DDI2: variants seen among roughly 807,000 people sequenced by gnomAD.
DDI2 encodes protein DDI1 homolog 2.
A neutral mutation model predicts 48.1 loss-of-function variants in DDI2; 5 were observed. The ratio of observed to expected loss-of-function variants is 0.10; its 90% CI spans 0.05 to 0.22. The LOEUF (loss-of-function observed/expected upper bound fraction) is 0.22, where lower values mean the gene tolerates loss of function less well. Among genes scored for constraint, DDI2 ranks in the 10% least tolerant of loss-of-function variants. The pLI, the probability that DDI2 is intolerant of heterozygous loss-of-function variation, is 1.00. For synonymous variants in DDI2, 205 were observed against 183.6 expected (o/e 1.12, Z -0.94); for missense variants, 285 against 506.2 (o/e 0.56, Z 4.19).
intron 8 of DDI2, among the ~76,000 whole-genome samples, chr1:15,653,800 A>T (rs1640229961): frequency 6.6e-6 from 1 of 152,230 alleles, no homozygotes; most frequent in Admixed American, 6.5e-5. Flanking sequence ...CCTGACCAGC[A>T]TAATTGAACG....
intron 1 of DDI2, among the ~76,000 whole-genome samples, chr1:15,620,993 A>T (rs1237941179): frequency 1.3e-5 from 2 of 152,216 alleles, no homozygotes; most frequent in Non-Finnish European, 2.9e-5. Flanking sequence ...ATATAGTTGG[A>T]AAAGGTGTTA....
intron 1 of DDI2, among the ~76,000 whole-genome samples, chr1:15,624,242 C>T (rs1442871214): frequency 6.6e-6 from 1 of 152,110 alleles, no homozygotes; most frequent in Non-Finnish European, 1.5e-5. Flanking sequence ...CTTGACATAC[C>T]TCTTTTTTCT....
Position 15,652,403 on chromosome 1 carries a change from C to T in DDI2, c.1183+508C>T, listed in dbSNP as rs183303324. 1.9e-4 allele frequency among the ~76,000 whole-genome samples: 23 copies of T among 123,124 alleles called. 1 individual carries two copies. The East Asian group carries it at 4.7e-3, about 25-fold the overall frequency. The allele number at this position is 123,124 out of a possible 152,430, so 80.8% of individuals were successfully genotyped here. On this transcript the variant is annotated intron_variant, in intron 8 of 9. Transcript: ENST00000480945. Reference sequence around the variant, plus strand: ...TGAAAAAGTCTGTATTCTGGCCCGGCGTGGTGGCTCACGCCTGTTAATCCC... The same window carrying T: ...TGAAAAAGTCTGTATTCTGGCCCGGTGTGGTGGCTCACGCCTGTTAATCCC...
intron 5 of DDI2, among the ~76,000 whole-genome samples, chr1:15,641,485 A>G (rs1167598676): frequency 3.9e-5 from 6 of 151,940 alleles, no homozygotes; most frequent in Admixed American, 3.3e-4. Flanking sequence ...AAAAAAAAAA[A>G]GTGACATTTT....
At chr1:15,632,923 TTTTTTTTTAAA>T (rs1476797818) in intron 3 of DDI2, among the ~76,000 whole-genome samples, 1 of 129,704 alleles carries the variant, frequency 7.7e-6, no homozygotes, top group Non-Finnish European at 1.6e-5. Flanking sequence ...TTTTTTTTTT[TTTTTTTTTAAA>T]AAAAAAAAAA....
rs1410383674 is a variant in DDI2 at position 15,662,546 on chromosome 1, C to A, written c.*2756C>A. ...AGAACTGTGAGGGAAAAATAATGGC[C>A]TAAACACTGGAATTTGCTAGAGTTT... On this transcript the variant is annotated 3_prime_UTR_variant, in exon 10 of 10. Transcript: ENST00000480945. The A allele has an allele frequency of 6.6e-6, 1 of 152,300 alleles. No homozygotes were observed. Among genetic ancestry groups the A allele is most frequent in the South Asian group, 2.1e-4 (1 of 4,828 alleles). The allele number at this position is 152,300 out of a possible 1,614,324, so 9.4% of individuals were successfully genotyped here. A position where few individuals can be genotyped will look rare whatever the true frequency, so the allele number is the denominator to read the frequency against.
intron 8 of DDI2, chr1:15,656,367 G>T: frequency 7.4e-7 from 1 of 1,350,106 alleles, no homozygotes; most frequent in East Asian, 3.0e-5. Flanking sequence ...TCTATGTGTA[G>T]AAACAAAATT....
intron 4 of DDI2, chr1:15,634,178 C>A (rs1480173896): frequency 1.8e-5 from 3 of 165,950 alleles, no homozygotes; most frequent in African/African-American, 7.2e-5. Flanking sequence ...GATGCTTGGA[C>A]TCTTCTCCCA....
intron 9 of DDI2, among the ~76,000 whole-genome samples, chr1:15,658,259 C>T (rs1030061386): frequency 1.3e-5 from 2 of 152,028 alleles, no homozygotes; most frequent in African/African-American, 4.8e-5. Flanking sequence ...AAGCAATTCT[C>T]CCACCTCAGC....
In DDI2 at chr1:15,666,096, A is replaced by G. The variant is rs1393166454; in HGVS notation, c.*6306A>G. ...TAAAAATAGCTTTTTTTTCCCTAGA[A>G]TTGCTAATTACTCTTAACAACAAAT... On this transcript the variant is annotated 3_prime_UTR_variant, in exon 10 of 10. Coordinates refer to ENST00000480945, the MANE Select transcript of DDI2 (RefSeq NM_032341.5). 6.6e-6 allele frequency: 1 copy of G among 152,134 alleles called. No individual in the cohort carries two copies. Among genetic ancestry groups the G allele is most frequent in the Admixed American group, 6.6e-5 (1 of 15,262 alleles). The allele number at this position is 152,134 out of a possible 1,614,324, so 9.4% of individuals were successfully genotyped here.
chr1:15,635,445 G>A (rs1327069543), intron 4 of DDI2, among the ~76,000 whole-genome samples: 4 of 152,082 alleles, frequency 2.6e-5, no homozygotes, highest in Admixed American at 1.3e-4. Context: ...TTGCTCTGTC[G>A]CCCAGGCCTG....
chr1:15,650,763 T>C (rs1290280906), intron 7 of DDI2, among the ~76,000 whole-genome samples: 1 of 152,206 alleles, frequency 6.6e-6, no homozygotes, highest in Non-Finnish European at 1.5e-5. Context: ...ATTGAAAATA[T>C]AGCTAATCAA....
At chr1:15,622,707 A>G (rs1340290244) in intron 1 of DDI2, among the ~76,000 whole-genome samples, 2 of 152,226 alleles carry the variant, frequency 1.3e-5, no homozygotes, top group African/African-American at 2.4e-5. Context: ...AGCCATGTCT[A>G]ATAGATACTG....
chr1:15,627,032 A>G (rs1297226995), intron 2 of DDI2: 5 of 529,034 alleles, frequency 9.5e-6, no homozygotes, highest in African/African-American at 3.8e-5. Flanking sequence ...CGTGAGGCTA[A>G]TGCATGTAAA....
In DDI2 at chr1:15,664,456, T is replaced by C. The variant is rs1640422923; in HGVS notation, c.*4666T>C. 6.6e-6 allele frequency: 1 copy of C among 151,616 alleles called. No individual in the cohort carries two copies. Among genetic ancestry groups the C allele is most frequent in the African/African-American group, 2.4e-5 (1 of 41,238 alleles). 9.4% of individuals were successfully genotyped at this position (151,616 alleles called of 1,614,324 possible). On this transcript the variant is annotated 3_prime_UTR_variant, in exon 10 of 10. Transcript: ENST00000480945. ...ACCCAAAAAAAAAAAAAAAAAGCTATTGACACTGTTAATATTTTGGATGAC... is the reference window on the plus strand; with the variant it reads ...ACCCAAAAAAAAAAAAAAAAAGCTACTGACACTGTTAATATTTTGGATGAC...
chr1:15,633,638 G>T, intron 4 of DDI2, 73 bp downstream of exon 4: 2 of 1,587,744 alleles, frequency 1.3e-6, no homozygotes. Flanking sequence ...ATCTGACATT[G>T]GTTGGGCATC....
intron 3 of DDI2, among the ~76,000 whole-genome samples, chr1:15,633,152 C>G (rs1174080999): frequency 6.6e-6 from 1 of 151,962 alleles, no homozygotes; most frequent in Non-Finnish European, 1.5e-5. Flanking sequence ...TGGTCTCGAA[C>G]TCCTAGGCTC....
At chr1:15,654,581 A>G (rs951428787) in intron 8 of DDI2, among the ~76,000 whole-genome samples, 1 of 151,498 alleles carries the variant, frequency 6.6e-6, no homozygotes, top group East Asian at 2.0e-4. Context: ...ACCTAAGCCC[A>G]GGAGGTCAAG....
rs1340408427 is a variant in DDI2 at position 15,662,890 on chromosome 1, T to G, written c.*3100T>G. Reference sequence around the variant, plus strand: ...CTTTTCTTTCCTCAGGAGTTTCTTTTTTAAGCAAAATTCATCTTATTTGTG... The same window carrying G: ...CTTTTCTTTCCTCAGGAGTTTCTTTGTTAAGCAAAATTCATCTTATTTGTG... On this transcript the variant is annotated 3_prime_UTR_variant, in exon 10 of 10. Coordinates refer to ENST00000480945, the MANE Select transcript of DDI2 (RefSeq NM_032341.5). 1 of 152,230 alleles carries G rather than the reference T, an allele frequency of 6.6e-6. No homozygotes were observed. The highest frequency in any genetic ancestry group is 1.5e-5 in the Non-Finnish European group (1 of 68,052). The allele number at this position is 152,230 out of a possible 1,614,324, so 9.4% of individuals were successfully genotyped here.
Sources: allele counts gnomAD v4.1 joint callset (sites outside exome capture counted in the v4.1 genomes callset), GRCh38; gene constraint gnomAD v4.1.1; transcripts MANE v1.5; gene names NCBI Gene and HGNC (gene_info 2026-07-23, HGNC 2026-07-21).